NCALD: variants seen among roughly 807,000 people sequenced by gnomAD.
NCALD encodes neurocalcin delta, also known as neurocalcin-delta.
NCALD carries 10 observed loss-of-function variants against 18.6 expected under a neutral mutation model. That is an observed-to-expected ratio of 0.54 (90% CI 0.33 to 0.91). The LOEUF (loss-of-function observed/expected upper bound fraction) is 0.91. NCALD is among the 40% of genes least tolerant of loss of function. The probability of loss-of-function intolerance (pLI) is 0.03; values close to 1 mark genes in which losing one functional copy is unlikely to be tolerated. For missense variants in NCALD, 184 were observed against 247.6 expected (o/e 0.74, Z 1.72); for synonymous variants, 88 against 87.4 (o/e 1.01, Z -0.04).
Position 102,096,786 on chromosome 8 carries a change from A to C in NCALD, c.-210+27451T>G, listed in dbSNP as rs187517130. On this transcript the variant is annotated intron_variant, in intron 1 of 6. Coordinates refer to the NCALD transcript ENST00000311028. The stretch of plus-strand genomic sequence containing the variant: ...CTCTTGAGCCCCTGTGCTGGGGCCC[A>C]CTCCCACCCTGTAGAGTGTGCTTTT... 4.2e-3 allele frequency among the ~76,000 whole-genome samples: 635 copies of C among 151,948 alleles called. 2 individuals carry two copies. The highest frequency in any genetic ancestry group is 6.5e-3 in the Non-Finnish European group (441 of 67,952).
intron 2 of NCALD, among the ~76,000 whole-genome samples, chr8:101,961,520 T>A (rs1819834529): frequency 6.6e-6 from 1 of 152,204 alleles, no homozygotes; most frequent in Non-Finnish European, 1.5e-5. Context: ...ACTGAACTAC[T>A]GTTGCCTAAG....
At chr8:101,926,621 C>G (rs766523608) in intron 2 of NCALD, among the ~76,000 whole-genome samples, 7 of 152,138 alleles carry the variant, frequency 4.6e-5, no homozygotes, top group Non-Finnish European at 1.0e-4. Flanking sequence ...TGACGATCTA[C>G]CAGGTGGCAG....
At chr8:101,714,446 G>C (rs1815965308) in intron 2 of NCALD, among the ~76,000 whole-genome samples, 1 of 152,086 alleles carries the variant, frequency 6.6e-6, no homozygotes, top group African/African-American at 2.4e-5. Context: ...GGACGTGAAG[G>C]ACCTCTTCAA....
At chr8:102,102,045 TAATC>T (rs66542524) in intron 1 of NCALD, among the ~76,000 whole-genome samples, 33,589 of 152,018 alleles carry the variant, frequency 0.22, 4,409 homozygotes, top group East Asian at 0.43. Flanking sequence ...TTCTTCAAAA[TAATC>T]AATTTTATTT....
intron 1 of NCALD, among the ~76,000 whole-genome samples, chr8:102,113,799 T>TA (rs1825704234): frequency 6.6e-6 from 1 of 152,240 alleles, no homozygotes; most frequent in Non-Finnish European, 1.5e-5. Context: ...TGCTACCTAC[T>TA]GGGTTGGGCA....
At chr8:101,806,182 A>G (rs1015613047) in intron 4 of NCALD, among the ~76,000 whole-genome samples, 2 of 152,150 alleles carry the variant, frequency 1.3e-5, no homozygotes, top group African/African-American at 4.8e-5. Flanking sequence ...CATTAAAAAC[A>G]ACAACAAAAA....
At chr8:101,873,889 A>C (rs950320600) in intron 4 of NCALD, among the ~76,000 whole-genome samples, 1 of 152,216 alleles carries the variant, frequency 6.6e-6, no homozygotes, top group South Asian at 2.1e-4. Flanking sequence ...TGCTACAACC[A>C]AGGATAGCAT....
chr8:101,742,693 C>T (rs779294213), intron 1 of NCALD, among the ~76,000 whole-genome samples: 19 of 152,140 alleles, frequency 1.2e-4, no homozygotes, highest in African/African-American at 3.6e-4. Flanking sequence ...TTCCAGGATA[C>T]GGTACAGAAC....
intron 4 of NCALD, among the ~76,000 whole-genome samples, chr8:101,857,406 T>C (rs1815363760): frequency 6.6e-6 from 1 of 152,190 alleles, no homozygotes; most frequent in African/African-American, 2.4e-5. Context: ...ATCTACTCAC[T>C]CAAAGGCATT....
At chr8:101,818,134 C>T (rs753630994) in intron 4 of NCALD, among the ~76,000 whole-genome samples, 15 of 152,212 alleles carry the variant, frequency 9.9e-5, no homozygotes, top group Non-Finnish European at 2.1e-4. Context: ...AATTATAAAA[C>T]ATTATAAAGG....
chr8:101,739,838 C>A (rs954046191), intron 1 of NCALD, among the ~76,000 whole-genome samples: 2 of 152,162 alleles, frequency 1.3e-5, no homozygotes, highest in African/African-American at 4.8e-5. Flanking sequence ...GGGACTTCAC[C>A]TTGTGATTGT....
intron 1 of NCALD, among the ~76,000 whole-genome samples, chr8:102,111,418 G>A (rs76926961): frequency 0.017 from 2,599 of 151,386 alleles, 97 homozygotes; most frequent in African/African-American, 0.059. Context: ...AGAGATGTGT[G>A]TGTGTGTGTG....
At chr8:102,093,913 A>G (rs1825008495) in intron 1 of NCALD, among the ~76,000 whole-genome samples, 1 of 152,204 alleles carries the variant, frequency 6.6e-6, no homozygotes, top group South Asian at 2.1e-4. Context: ...TTAATACCCT[A>G]CAAATTCCTG....
rs1360860887 is a variant in NCALD at position 102,001,992 on chromosome 8, C to A, written c.-157+18245G>T. 3.3e-5 allele frequency among the ~76,000 whole-genome samples: 5 copies of A among 152,308 alleles called. No individual in the cohort carries two copies. In the South Asian group the frequency reaches 1.0e-3, roughly 32 times the overall value. ...ACTAATGAGCAAAATAACCAGCTAA[C>A]ATCATAATGACAGGATCAAATTCAC... On this transcript the variant is annotated intron_variant, in intron 2 of 6. Transcript: ENST00000311028.
chr8:102,050,887 ATTAAT>A (rs1158073311), intron 1 of NCALD, among the ~76,000 whole-genome samples: 3 of 146,244 alleles, frequency 2.1e-5, no homozygotes, highest in South Asian at 2.1e-4. Flanking sequence ...TTAATTGATT[ATTAAT>A]TTAATTTAAT....
intron 3 of NCALD, among the ~76,000 whole-genome samples, chr8:101,901,972 G>A (rs1221847297): frequency 6.6e-6 from 1 of 152,004 alleles, no homozygotes; most frequent in East Asian, 1.9e-4. Context: ...TGTATTTTTA[G>A]TAGAGATGGG....
intron 1 of NCALD, among the ~76,000 whole-genome samples, chr8:102,112,129 G>A (rs904425341): frequency 1.3e-5 from 2 of 152,142 alleles, no homozygotes; most frequent in African/African-American, 4.8e-5. Flanking sequence ...CCTTGTATGA[G>A]ATTATTTTCT....
chr8:101,759,973 G>A (rs988089304), intron 1 of NCALD, among the ~76,000 whole-genome samples: 4 of 152,086 alleles, frequency 2.6e-5, no homozygotes, highest in Non-Finnish European at 5.9e-5. Flanking sequence ...TAGACACTGC[G>A]GTTCCCAAGG....
intron 1 of NCALD, among the ~76,000 whole-genome samples, chr8:102,102,876 G>T (rs182892040): frequency 1.2e-4 from 19 of 152,268 alleles, no homozygotes; most frequent in Middle Eastern, 3.4e-3. Context: ...CAGGTCCAAG[G>T]CCTGGTCCTC....
Sources: gnomAD v4.1 joint callset for allele counts (sites outside exome capture counted in the v4.1 genomes callset) on GRCh38, gnomAD v4.1.1 for gene constraint, MANE v1.5 for transcripts, NCBI Gene and HGNC (gene_info 2026-07-23, HGNC 2026-07-21) for gene names.